ADAM2: variants seen among roughly 807,000 people sequenced by gnomAD.
The protein encoded by ADAM2 is disintegrin and metalloproteinase domain-containing protein 2.
ADAM2 carries 101 observed loss-of-function variants against 99.3 expected under a neutral mutation model. The observed-to-expected ratio is 1.02, with a 90% CI of 0.87 to 1.20. The LOEUF is 1.20. Ranked by LOEUF, ADAM2 falls within the 50% of genes most tolerant of loss-of-function variation. The probability of loss-of-function intolerance (pLI) is 0.00; values close to 1 mark genes in which losing one functional copy is unlikely to be tolerated. For synonymous variants in ADAM2, 323 were observed against 287.6 expected (o/e 1.12, Z -1.25); for missense variants, 948 against 878.7 (o/e 1.08, Z -1.00).
At chr8:39,807,508 A>C (rs1804489296) in intron 7 of ADAM2, among the ~76,000 whole-genome samples, 1 of 152,104 alleles carries the variant, frequency 6.6e-6, no homozygotes, top group South Asian at 2.1e-4. Flanking sequence ...TGGAGCCCTG[A>C]GCCCCATTGT....
At chr8:39,787,371 T>G (rs1803507986) in intron 9 of ADAM2, among the ~76,000 whole-genome samples, 1 of 151,544 alleles carries the variant, frequency 6.6e-6, no homozygotes, top group Non-Finnish European at 1.5e-5. Context: ...AGTAAAAAGC[T>G]AAGGCAATGC....
intron 20 of ADAM2, among the ~76,000 whole-genome samples, chr8:39,744,593 A>G (rs1321296708): frequency 6.6e-6 from 1 of 152,038 alleles, no homozygotes; most frequent in Non-Finnish European, 1.5e-5. Context: ...ATGAAAACAC[A>G]TGGACACAGG....
chr8:39,749,588 T>C (rs1271421251), intron 17 of ADAM2, 79 bp downstream of exon 17: 9 of 1,141,428 alleles, frequency 7.9e-6, no homozygotes, highest in South Asian at 3.0e-5. Flanking sequence ...TGTGTGTGCG[T>C]GTGTGTGTGT....
At chr8:39,819,640 G>C (rs1373486410) in intron 6 of ADAM2, among the ~76,000 whole-genome samples, 2 of 152,092 alleles carry the variant, frequency 1.3e-5, no homozygotes, top group African/African-American at 2.4e-5. Context: ...TTAGAAAACA[G>C]AGTATTTTCT....
At chr8:39,811,687 T>C (rs1804702065) in intron 6 of ADAM2, among the ~76,000 whole-genome samples, 2 of 152,154 alleles carry the variant, frequency 1.3e-5, no homozygotes, top group East Asian at 1.9e-4. Flanking sequence ...CACATGATTA[T>C]CTCAACAGAT....
chr8:39,811,529 T>C (rs955204972), intron 6 of ADAM2, among the ~76,000 whole-genome samples: 3 of 152,134 alleles, frequency 2.0e-5, no homozygotes, highest in African/African-American at 7.2e-5. Flanking sequence ...AAATCCTCAA[T>C]AAAATACTGG....
chr8:39,762,937 T>C (rs749690963), intron 14 of ADAM2, among the ~76,000 whole-genome samples: 1 of 152,198 alleles, frequency 6.6e-6, no homozygotes, highest in Non-Finnish European at 1.5e-5. Context: ...TTCTCTGGTG[T>C]AGTTCTGGTT....
intron 7 of ADAM2, among the ~76,000 whole-genome samples, chr8:39,808,462 G>T (rs1804542482): frequency 6.6e-6 from 1 of 152,144 alleles, no homozygotes; most frequent in African/African-American, 2.4e-5. Context: ...GATGATCATG[G>T]ATTAGAATAT....
chr8:39,809,477 C>G lies in ADAM2; in HGVS notation c.514-11G>C. The G allele has an allele frequency of 7.4e-7, 1 of 1,353,332 alleles. No homozygotes were observed. The highest frequency in any genetic ancestry group is 1.0e-6 in the Non-Finnish European group (1 of 959,038). The allele number at this position is 1,353,332 out of a possible 1,614,324, so 83.8% of individuals were successfully genotyped here. A position where few individuals can be genotyped will look rare whatever the true frequency, so the allele number is the denominator to read the frequency against. ...AAAATCTTGCTGTGGCTGAAAAAAT[C>G]CACAAATTTTACATCAAAATTACAG... On this transcript the variant is annotated splice_polypyrimidine_tract_variant and intron_variant, in intron 6 of 20. Transcript: ENST00000265708.
intron 7 of ADAM2, among the ~76,000 whole-genome samples, chr8:39,803,058 C>T (rs993907054): frequency 6.6e-6 from 1 of 152,076 alleles, no homozygotes; most frequent in Admixed American, 6.5e-5. Context: ...TGATCTAATT[C>T]TACAATTAGA....
At chr8:39,794,818 A>G (rs1803871005) in intron 7 of ADAM2, among the ~76,000 whole-genome samples, 2 of 151,994 alleles carry the variant, frequency 1.3e-5, no homozygotes, top group Non-Finnish European at 1.5e-5. Context: ...GAGTCTTGCC[A>G]ATGCTCCTGG....
intron 7 of ADAM2, among the ~76,000 whole-genome samples, chr8:39,807,556 G>C (rs941680960): frequency 2.0e-5 from 3 of 152,088 alleles, no homozygotes; most frequent in Non-Finnish European, 4.4e-5. Flanking sequence ...GATATCATAA[G>C]GTTTCAATGA....
At chr8:39,814,046 G>A (rs1303868428) in intron 6 of ADAM2, among the ~76,000 whole-genome samples, 1 of 151,942 alleles carries the variant, frequency 6.6e-6, no homozygotes, top group South Asian at 2.1e-4. Context: ...TGTTGAAAAG[G>A]TGGTCAGATG....
At chr8:39,771,228 T>C (rs1802769359) in intron 11 of ADAM2, among the ~76,000 whole-genome samples, 1 of 152,196 alleles carries the variant, frequency 6.6e-6, no homozygotes, top group Non-Finnish European at 1.5e-5. Context: ...TGGTTCCCTT[T>C]CATTCATTTC....
Position 39,821,599 on chromosome 8 carries a change from A to C in ADAM2, c.331T>G (p.Cys111Gly). Residue 111 changes from cysteine to glycine, a missense_variant, in exon 5 of 21, where the codon TGT becomes GGT. Coordinates refer to ENST00000265708, the MANE Select transcript of ADAM2 (RefSeq NM_001464.5). The part of the protein sequence containing the change: ...YPKSVVMVST[C>G]TGLRGVLQFE... ...GTAAATTACAACCTGAGTCCAGTAC[A>C]TGTGCTAACCATCACCACAGATTTT... 3 of 1,600,160 alleles carry C rather than the reference A, an allele frequency of 1.9e-6. No homozygotes were observed. The highest frequency in any genetic ancestry group is 2.6e-6 in the Non-Finnish European group (3 of 1,168,098).
At chr8:39,758,321 G>T (rs1228986922) in intron 15 of ADAM2, among the ~76,000 whole-genome samples, 1 of 151,952 alleles carries the variant, frequency 6.6e-6, no homozygotes, top group Non-Finnish European at 1.5e-5. Context: ...TATACATATA[G>T]TTACAAAACT....
intron 7 of ADAM2, among the ~76,000 whole-genome samples, chr8:39,798,058 A>T (rs891017025): frequency 2.0e-5 from 3 of 152,254 alleles, no homozygotes; most frequent in Admixed American, 1.3e-4. Flanking sequence ...GGCCCTGGCC[A>T]GAACTTCCAA....
intron 7 of ADAM2, among the ~76,000 whole-genome samples, chr8:39,796,325 G>A (rs1586115569): frequency 1.3e-5 from 2 of 152,072 alleles, no homozygotes; most frequent in African/African-American, 2.4e-5. Context: ...GTTGGCTGAG[G>A]ATGATGGCTT....
chr8:39,825,623 G>GA (rs767288150), intron 3 of ADAM2, among the ~76,000 whole-genome samples: 9 of 147,932 alleles, frequency 6.1e-5, no homozygotes, highest in African/African-American at 1.5e-4. Context: ...ATCATCAAAA[G>GA]AAAAAAAAAG....
Sources: gnomAD v4.1 joint callset for allele counts (sites outside exome capture counted in the v4.1 genomes callset) on GRCh38, gnomAD v4.1.1 for gene constraint, MANE v1.5 for transcripts, NCBI Gene and HGNC (gene_info 2026-07-23, HGNC 2026-07-21) for gene names.